PCDHA5: variants seen among roughly 807,000 people sequenced by gnomAD.
PCDHA5 encodes protocadherin alpha-5.
PCDHA5 carries 43 observed loss-of-function variants against 61.6 expected under a neutral mutation model. The ratio of observed to expected loss-of-function variants is 0.70; its 90% CI spans 0.55 to 0.90. PCDHA5 has a LOEUF of 0.90. Ranked by LOEUF, PCDHA5 falls within the 40% of genes least tolerant of loss-of-function variation. The pLI is 0.00. For missense variants in PCDHA5, 1,298 were observed against 1,222.7 expected (o/e 1.06, Z -0.92); for synonymous variants, 627 against 543.9 (o/e 1.15, Z -2.13).
rs1266010631 is a variant in PCDHA5, at chr5:140,857,226, C to T, written c.2352+33099C>T. 4.4e-6 allele frequency: 7 copies of T among 1,598,494 alleles called. 1 individual carries two copies. Among genetic ancestry groups the T allele is most frequent in the Non-Finnish European group, 5.1e-6 (6 of 1,167,908 alleles). On this transcript the variant is annotated intron_variant, in intron 1 of 3. Coordinates refer to ENST00000529859, the MANE Select transcript of PCDHA5 (RefSeq NM_018908.3). ...ACCTGCTCTCTGACGCCTCACGTTC[C>T]GTTCAAGCTGGTGTCCACCTACAAG...
At chr5:140,913,993 G>A (rs2076550293) in intron 1 of PCDHA5, among the ~76,000 whole-genome samples, 2 of 152,040 alleles carry the variant, frequency 1.3e-5, no homozygotes, top group South Asian at 4.2e-4. Flanking sequence ...ATTGTGACTA[G>A]CATATGGTCT....
chr5:140,843,665 T>G (rs2150364674), intron 1 of PCDHA5: 2 of 1,593,538 alleles, frequency 1.3e-6, no homozygotes, highest in South Asian at 1.1e-5. Flanking sequence ...TGATCTGGGA[T>G]CAGTTGATGT....
chr5:140,961,434 A>G (rs2095611315), intron 1 of PCDHA5, among the ~76,000 whole-genome samples: 1 of 152,174 alleles, frequency 6.6e-6, no homozygotes, highest in African/African-American at 2.4e-5. Context: ...TTACAAAATC[A>G]CCTAACTACA....
rs2150119439 is a variant in PCDHA5 at position 140,822,803 on chromosome 5, A to G, written c.1028A>G (p.Asn343Ser). Residue 343 changes from asparagine (N) to serine (S), a missense_variant, in exon 1 of 4, where the codon AAT (asparagine) becomes AGT (serine). Physicochemically the swap from Asn to Ser is conservative, Grantham distance 46. Transcript: ENST00000529859. ...GTAGTAGTGAAACTCCTGGATGTGA[A>G]TGATAATACCCCAGAGATGGCCATA... Reference protein sequence around the residue: ...CKVVVKLLDVNDNTPEMAITT... With the variant: ...CKVVVKLLDVSDNTPEMAITT... 1 of 1,614,190 alleles carries G rather than the reference A, an allele frequency of 6.2e-7. No individual in the cohort carries two copies. The highest frequency in any genetic ancestry group is 1.7e-5 in the Admixed American group (1 of 60,026).
chr5:140,961,738 G>A (rs976601916), intron 1 of PCDHA5, among the ~76,000 whole-genome samples: 2 of 152,118 alleles, frequency 1.3e-5, no homozygotes, highest in African/African-American at 4.8e-5. Flanking sequence ...AATCACTTTA[G>A]TAATATTACA....
chr5:140,869,072 G>T, intron 1 of PCDHA5: 4 of 1,574,396 alleles, frequency 2.5e-6, no homozygotes, highest in Non-Finnish European at 2.6e-6. Flanking sequence ...TAAGTGTAAA[G>T]AAGCTTATTT....
At chr5:140,871,486 C>T in intron 1 of PCDHA5, 1 of 1,592,450 alleles carries the variant, frequency 6.3e-7, no homozygotes, top group African/African-American at 1.3e-5. Context: ...GTCAAATCAC[C>T]CCGGACAGGT....
intron 1 of PCDHA5, chr5:140,828,051 C>A (rs2150150373): frequency 6.5e-7 from 1 of 1,545,276 alleles, no homozygotes. Flanking sequence ...TATCTTTATG[C>A]GGAAGATCTT....
intron 1 of PCDHA5, chr5:140,853,127 C>A: frequency 1.7e-6 from 1 of 580,840 alleles, no homozygotes; most frequent in Non-Finnish European, 2.2e-6. Context: ...GATCCTCCCG[C>A]CTCAGCCTCC....
Position 140,850,168 on chromosome 5 carries a change from A to G in PCDHA5, c.2352+26041A>G. 6.3e-7 allele frequency: 1 copy of G among 1,594,824 alleles called. No homozygotes were observed. The highest frequency in any genetic ancestry group is 8.6e-7 in the Non-Finnish European group (1 of 1,167,786). ...ACGCTGCAGGTGTTCGTGCTGGACGAGAACGACAATGCGCCGGCGCTGCTG... is the reference window on the plus strand; with the variant it reads ...ACGCTGCAGGTGTTCGTGCTGGACGGGAACGACAATGCGCCGGCGCTGCTG... On this transcript the variant is annotated intron_variant, in intron 1 of 3. Coordinates refer to ENST00000529859, the MANE Select transcript of PCDHA5 (RefSeq NM_018908.3).
intron 1 of PCDHA5, among the ~76,000 whole-genome samples, chr5:140,886,751 G>A (rs1156754601): frequency 2.0e-5 from 3 of 151,312 alleles, no homozygotes; most frequent in African/African-American, 7.3e-5. Context: ...GCTTGAACCC[G>A]GGAGGTGGAG....
At chr5:140,935,253 A>G (rs1469038997) in intron 1 of PCDHA5, among the ~76,000 whole-genome samples, 1 of 152,226 alleles carries the variant, frequency 6.6e-6, no homozygotes, top group Non-Finnish European at 1.5e-5. Flanking sequence ...GATAAAATAC[A>G]TCACATGTTT....
chr5:140,926,889 G>A, intron 1 of PCDHA5: 1 of 1,545,026 alleles, frequency 6.5e-7, no homozygotes, highest in Non-Finnish European at 8.7e-7. Context: ...CGCCTAGAGG[G>A]AGGATGGTGG....
rs2150172253 is a variant in PCDHA5, at chr5:140,829,667, G to A, written c.2352+5540G>A. ...GTACGCGCTGCAGCCGCTGGACCAC[G>A]AGGAGCTAGAGCTGCTGCAGTTTCA... On this transcript the variant is annotated intron_variant, in intron 1 of 3. Coordinates refer to ENST00000529859, the MANE Select transcript of PCDHA5 (RefSeq NM_018908.3). 11 of 1,612,886 alleles carry A rather than the reference G, an allele frequency of 6.8e-6. 1 individual carries two copies. The South Asian group carries it at 8.8e-5, about 13-fold the overall frequency.
rs1203554709 is a variant in PCDHA5 at position 140,835,098 on chromosome 5, GC to G, written c.2352+10975del. On this transcript the variant is annotated intron_variant, in intron 1 of 3. Coordinates refer to ENST00000529859, the MANE Select transcript of PCDHA5 (RefSeq NM_018908.3). Reference sequence around the variant, plus strand: ...CACGGTACTGGACAACAATGACAATGCCCCAGTGTTCGACAGAACCCTGTAT... The same window carrying G: ...CACGGTACTGGACAACAATGACAATGCCCAGTGTTCGACAGAACCCTGTAT... 6.4e-6 allele frequency: 8 copies of G among 1,244,734 alleles called. No individual in the cohort carries two copies. In the East Asian group the frequency reaches 1.8e-4, roughly 28 times the overall value. 77.1% of individuals were successfully genotyped at this position (1,244,734 alleles called of 1,614,324 possible).
chr5:140,952,546 C>T (rs1449369285), intron 1 of PCDHA5, among the ~76,000 whole-genome samples: 1 of 152,108 alleles, frequency 6.6e-6, no homozygotes, highest in African/African-American at 2.4e-5. Flanking sequence ...CTTCTTTGTC[C>T]ATTTCACTAT....
At chr5:140,997,504 C>T (rs2097772452) in intron 3 of PCDHA5, among the ~76,000 whole-genome samples, 1 of 152,042 alleles carries the variant, frequency 6.6e-6, no homozygotes, top group South Asian at 2.1e-4. Flanking sequence ...TCTCAACATA[C>T]CTAAACGCAG....
chr5:140,827,069 G>A (rs187227575), intron 1 of PCDHA5, among the ~76,000 whole-genome samples: 1 of 152,278 alleles, frequency 6.6e-6, no homozygotes, highest in Non-Finnish European at 1.5e-5. Flanking sequence ...CTCATGCCTT[G>A]CTATTTAACA....
At chr5:140,937,844 G>A (rs926736710) in intron 1 of PCDHA5, among the ~76,000 whole-genome samples, 7 of 149,606 alleles carry the variant, frequency 4.7e-5, no homozygotes, top group Non-Finnish European at 8.9e-5. Context: ...CCTGGAAGGC[G>A]GAACTTGGAG....
Sources: gnomAD v4.1 joint callset for allele counts (sites outside exome capture counted in the v4.1 genomes callset) on GRCh38, gnomAD v4.1.1 for gene constraint, MANE v1.5 for transcripts, NCBI Gene and HGNC (gene_info 2026-07-23, HGNC 2026-07-21) for gene names.